The following TG variants were observed in gnomAD, a reference collection of about 807,000 sequenced individuals.
TG encodes thyroid hormones.
TG carries 270 observed loss-of-function variants against 324.7 expected under a neutral mutation model. The observed-to-expected ratio is 0.83, with a 90% CI of 0.75 to 0.92. The LOEUF (loss-of-function observed/expected upper bound fraction) is 0.92, where lower values mean the gene tolerates loss of function less well. Ranked by LOEUF, TG falls within the 40% of genes least tolerant of loss-of-function variation. The probability of loss-of-function intolerance (pLI) is 0.00; values close to 1 mark genes in which losing one functional copy is unlikely to be tolerated. For synonymous variants in TG, 1,401 were observed against 1,327.0 expected, an observed-to-expected ratio of 1.06 and a Z score of -1.21; for missense variants, 3,591 against 3,456.4, an observed-to-expected ratio of 1.04 and a Z score of -0.98.
At chr8:132,965,865 G>A (rs1038617564) in intron 29 of TG, among the ~76,000 whole-genome samples, 6 of 152,194 alleles carry the variant, frequency 3.9e-5, no homozygotes, top group African/African-American at 1.2e-4. Context: ...AATCCGAGTT[G>A]AGGCTGAAAA....
intron 45 of TG, among the ~76,000 whole-genome samples, chr8:133,120,408 G>A (rs1588137759): frequency 6.6e-6 from 1 of 152,174 alleles, no homozygotes; most frequent in African/African-American, 2.4e-5. Context: ...CTGTAACAAA[G>A]TGCCACCAAA....
chr8:133,103,479 G>A (rs924500616), intron 43 of TG, among the ~76,000 whole-genome samples: 1 of 152,186 alleles, frequency 6.6e-6, no homozygotes, highest in African/African-American at 2.4e-5. Context: ...AGAGAAAGCT[G>A]AGGATCAGAA....
chr8:133,133,785 C>A, intron 47 of TG, 125 bp downstream of exon 47: 1 of 1,087,806 alleles, frequency 9.2e-7, no homozygotes, highest in Non-Finnish European at 1.4e-6. Flanking sequence ...AATGGCACAG[C>A]CCCTTCCTGT....
intron 41 of TG, among the ~76,000 whole-genome samples, chr8:133,052,179 T>G (rs1294443357): frequency 1.3e-5 from 2 of 152,190 alleles, no homozygotes; most frequent in African/African-American, 4.8e-5. Flanking sequence ...CATAAGCCTC[T>G]TGGGCAGACT....
chr8:133,052,901 T>A (rs940884925), intron 41 of TG, among the ~76,000 whole-genome samples: 2 of 152,140 alleles, frequency 1.3e-5, no homozygotes, highest in Non-Finnish European at 2.9e-5. Flanking sequence ...TGGGCCTGGG[T>A]TTCCTAGTCT....
intron 17 of TG, among the ~76,000 whole-genome samples, chr8:132,907,758 C>G (rs1315157125): frequency 6.6e-6 from 1 of 152,178 alleles, no homozygotes; most frequent in Non-Finnish European, 1.5e-5. Context: ...AAATCTTGAG[C>G]TCCTGAAGTT....
chr8:132,933,425 T>C, intron 23 of TG, 136 bp from the exon 24 acceptor site: 3 of 737,412 alleles, frequency 4.1e-6, no homozygotes, highest in Non-Finnish European at 7.3e-6. Flanking sequence ...TATTTGTGTA[T>C]CTGCATATTT....
At chr8:133,043,857 G>C (rs1047733792) in intron 41 of TG, among the ~76,000 whole-genome samples, 1 of 152,198 alleles carries the variant, frequency 6.6e-6, no homozygotes, top group Non-Finnish European at 1.5e-5. Context: ...ACCCAGAAGG[G>C]GGAAGATGCT....
At chr8:132,897,174 G>C (rs1048869843) in intron 11 of TG, among the ~76,000 whole-genome samples, 5 of 152,320 alleles carry the variant, frequency 3.3e-5, no homozygotes, top group African/African-American at 9.6e-5. Context: ...TCTTCTTTCT[G>C]TCTGTGAACC....
intron 29 of TG, among the ~76,000 whole-genome samples, chr8:132,965,552 C>T (rs1375941485): frequency 6.6e-6 from 1 of 152,186 alleles, no homozygotes; most frequent in East Asian, 1.9e-4. Context: ...CTGCATCTTG[C>T]CATCGTTGTA....
Position 132,881,942 on chromosome 8 carries a change from A to C in TG, c.718A>C (p.Ser240Arg). ...ATCTGGGTATTGCCACTGTGCTGAC[A>C]GCCAAGGGCGGGAACTGGCTGAGAC... is the stretch of plus-strand genomic sequence containing the variant. ...EVSGYCHCADSQGRELAETGL... is the reference protein window; with the variant it reads ...EVSGYCHCADRQGRELAETGL... Residue 240 changes from serine (S) to arginine (R), a missense_variant, in exon 6 of 48, where the codon AGC becomes CGC. Transcript: ENST00000220616. The C allele has an allele frequency of 6.2e-7, 1 of 1,614,026 alleles. No homozygotes were observed. The highest frequency in any genetic ancestry group is 8.5e-7 in the Non-Finnish European group (1 of 1,179,874).
At chr8:132,899,647 G>GT (rs1165767092) in intron 14 of TG, among the ~76,000 whole-genome samples, 1 of 152,314 alleles carries the variant, frequency 6.6e-6, no homozygotes, top group Non-Finnish European at 1.5e-5. Flanking sequence ...CTATTGTTTA[G>GT]TTTTTTAATC....
chr8:132,967,698 T>A lies in TG; in HGVS notation c.5687-96T>A, dbSNP rs1828833955. Reference sequence around the variant, plus strand: ...GCCTCTGCCCTAACTAGGAGGGATCTCTACCAGGCATTTCCCCACCCAGAG... The same window carrying A: ...GCCTCTGCCCTAACTAGGAGGGATCACTACCAGGCATTTCCCCACCCAGAG... On this transcript the variant is annotated intron_variant, in intron 30 of 47. Transcript: ENST00000220616. 4 of 1,392,524 alleles carry A rather than the reference T, an allele frequency of 2.9e-6. No homozygotes were observed. In the Admixed American group the frequency reaches 7.4e-5, roughly 26 times the overall value. 86.3% of individuals were successfully genotyped at this position (1,392,524 alleles called of 1,614,324 possible). A position where few individuals can be genotyped will look rare whatever the true frequency, so the allele number is the denominator to read the frequency against.
intron 41 of TG, among the ~76,000 whole-genome samples, chr8:133,094,263 T>TTTTAC (rs1848066170): frequency 1.4e-5 from 2 of 144,044 alleles, no homozygotes; most frequent in African/African-American, 2.6e-5. Flanking sequence ...TTTTTTTTGA[T>TTTTAC]GGAGTCTTGC....
At chr8:133,122,326 T>G (rs1401838174) in intron 45 of TG, among the ~76,000 whole-genome samples, 1 of 152,104 alleles carries the variant, frequency 6.6e-6, no homozygotes, top group Non-Finnish European at 1.5e-5. Flanking sequence ...AGGTTCTAGT[T>G]TCAGATTCAG....
rs774728112 is a variant in TG, at chr8:133,113,473, G to A, written c.7624G>A (p.Ala2542Thr). ...RTSSKTAFYQ[A>T]LQNSLGGEDS... ...CAGTAGCAAAACAGCCTTTTACCAG[G>A]CACTGCAGAATTCTCTGGGTGGCGA... is the stretch of plus-strand genomic sequence containing the variant. Residue 2542 changes from alanine (A) to threonine (T), a missense_variant, in exon 44 of 48, where the codon GCA (alanine) becomes ACA (threonine). By Grantham distance (58) the Ala-to-Thr change is moderately conservative. Transcript: ENST00000220616. 43 of 1,614,026 alleles carry A rather than the reference G, an allele frequency of 2.7e-5. No individual in the cohort carries two copies. The highest frequency in any genetic ancestry group is 3.6e-5 in the Non-Finnish European group (42 of 1,180,006).
chr8:133,067,882 G>T (rs1310899078), intron 41 of TG, among the ~76,000 whole-genome samples: 1 of 21,086 alleles, frequency 4.7e-5, no homozygotes, highest in East Asian at 1.3e-3. Flanking sequence ...AAGGAAGGAA[G>T]GAAGTATGTA....
At chr8:132,891,378 A>G (rs1326856281) in intron 10 of TG, among the ~76,000 whole-genome samples, 3 of 152,210 alleles carry the variant, frequency 2.0e-5, no homozygotes, top group African/African-American at 7.2e-5. Context: ...TCTGTTGCCT[A>G]TGTTGGAGTG....
At chr8:133,105,943 A>C (rs1849764508) in intron 43 of TG, among the ~76,000 whole-genome samples, 1 of 152,156 alleles carries the variant, frequency 6.6e-6, no homozygotes. Flanking sequence ...GCCATATGGT[A>C]AAGAGGCTAT....
Sources: gnomAD v4.1 joint callset for allele counts (sites outside exome capture counted in the v4.1 genomes callset) on GRCh38, gnomAD v4.1.1 for gene constraint, MANE v1.5 for transcripts, NCBI Gene and HGNC (gene_info 2026-07-23, HGNC 2026-07-21) for gene names.